BIRC2: variants seen among roughly 807,000 people sequenced by gnomAD.
BIRC2 encodes the protein baculoviral IAP repeat-containing protein 2.
Under a neutral mutation model 60.9 loss-of-function variants are expected in BIRC2, and 18 were observed. The ratio of observed to expected loss-of-function variants is 0.30; its 90% CI spans 0.20 to 0.44. BIRC2 has a LOEUF of 0.44. Among genes scored for constraint, BIRC2 ranks in the 20% least tolerant of loss-of-function variants. BIRC2 has a pLI of 1.00. For synonymous variants in BIRC2, 282 were observed against 247.7 expected, an observed-to-expected ratio of 1.14 and a Z score of -1.30; for missense variants, 701 against 728.5, an observed-to-expected ratio of 0.96 and a Z score of 0.43.
intron 6 of BIRC2, among the ~76,000 whole-genome samples, chr11:102,371,193 C>G: frequency 1.5e-5 from 1 of 68,740 alleles, no homozygotes; most frequent in Non-Finnish European, 2.7e-5. Context: ...GCCAGAACTT[C>G]CAACACTATG....
intron 6 of BIRC2, among the ~76,000 whole-genome samples, chr11:102,368,765 G>A (rs1366173590): frequency 6.6e-6 from 1 of 152,036 alleles, no homozygotes; most frequent in Non-Finnish European, 1.5e-5. Flanking sequence ...TTCGGATGAG[G>A]TTCTCTGATT....
chr11:102,376,212 T>G (rs1951712126), intron 6 of BIRC2, among the ~76,000 whole-genome samples: 1 of 152,134 alleles, frequency 6.6e-6, no homozygotes, highest in Admixed American at 6.5e-5. Flanking sequence ...GAAGATGAGT[T>G]AAGGGTGCTA....
At chr11:102,359,211 T>C (rs2135810540) in intron 3 of BIRC2, among the ~76,000 whole-genome samples, 1 of 152,340 alleles carries the variant, frequency 6.6e-6, no homozygotes, top group South Asian at 2.1e-4. Context: ...TTAATTTCAA[T>C]TGCATTAAAA....
chr11:102,363,034 T>C (rs1951503796), intron 4 of BIRC2, 60 bp downstream of exon 4: 3 of 1,283,906 alleles, frequency 2.3e-6, no homozygotes, highest in South Asian at 2.5e-5. Context: ...AAAAATATTA[T>C]TAGGTTGGTA....
rs12282166 is a variant in BIRC2 at position 102,375,735 on chromosome 11, G to A, written c.1367-1761G>A. Among the ~76,000 whole-genome samples the A allele has an allele frequency of 9.6e-3, 1,443 of 150,476 alleles. 22 individuals carry two copies. Among genetic ancestry groups the A allele is most frequent in the African/African-American group, 0.033 (1,364 of 40,832 alleles). ...GCAGAGCTTGCAGTGAGCCGAGATCGTGCCCCTGCACTCCAGCCTGGGTGA... is the reference window on the plus strand; with the variant it reads ...GCAGAGCTTGCAGTGAGCCGAGATCATGCCCCTGCACTCCAGCCTGGGTGA... On this transcript the variant is annotated intron_variant, in intron 6 of 8. Transcript: ENST00000227758.
At chr11:102,359,509 T>G (rs1951460768) in intron 3 of BIRC2, among the ~76,000 whole-genome samples, 1 of 152,210 alleles carries the variant, frequency 6.6e-6, no homozygotes, top group Non-Finnish European at 1.5e-5. Context: ...CTCTTCAGCG[T>G]TTCTTGTAAG....
intron 3 of BIRC2, among the ~76,000 whole-genome samples, chr11:102,357,480 A>G (rs2135809135): frequency 6.6e-6 from 1 of 152,224 alleles, no homozygotes; most frequent in African/African-American, 2.4e-5. Context: ...ACTAGTTATA[A>G]GTCTTTTCAG....
At chr11:102,365,771 T>TG (rs59705309) in intron 5 of BIRC2, among the ~76,000 whole-genome samples, 38 of 152,048 alleles carry the variant, frequency 2.5e-4, no homozygotes, top group African/African-American at 9.2e-4. Flanking sequence ...TGTGTGTGTG[T>TG]TTGTAGATAC....
At position 102,364,782 on chromosome 11, in the gene BIRC2, T is replaced by C. The variant is rs865868225; in HGVS notation, c.1123+1066T>C. ...GATTTGGTAGTATTTGACTGGAAAA[T>C]AGGAAGGAGAGTACTGGAAAATAGG... On this transcript the variant is annotated intron_variant, in intron 5 of 8. Coordinates refer to ENST00000227758, the MANE Select transcript of BIRC2 (RefSeq NM_001166.5). Among the ~76,000 whole-genome samples, 4 of 147,850 alleles carry C rather than the reference T, an allele frequency of 2.7e-5. No individual in the cohort carries two copies. The South Asian group carries it at 8.4e-4, about 31-fold the overall frequency.
At chr11:102,363,555 C>T (rs1179895261) in intron 4 of BIRC2, 113 bp from the exon 5 acceptor site, 22 of 656,622 alleles carry the variant, frequency 3.4e-5, no homozygotes, top group Admixed American at 8.6e-5. Flanking sequence ...ATAAATCACT[C>T]AGTTCTCAAA....
intron 6 of BIRC2, among the ~76,000 whole-genome samples, chr11:102,375,014 C>T (rs1184871627): frequency 6.6e-6 from 1 of 152,210 alleles, no homozygotes; most frequent in Non-Finnish European, 1.5e-5. Context: ...AATGCCTTGC[C>T]CTGCTTCGGT....
At chr11:102,353,992 C>T (rs557357842) in intron 3 of BIRC2, among the ~76,000 whole-genome samples, 3 of 152,256 alleles carry the variant, frequency 2.0e-5, no homozygotes, top group Admixed American at 1.3e-4. Flanking sequence ...GAAGTTGACT[C>T]TGCAGAACCT....
chr11:102,366,460 G>A (rs998878012), intron 5 of BIRC2, among the ~76,000 whole-genome samples: 2 of 151,542 alleles, frequency 1.3e-5, no homozygotes, highest in South Asian at 2.1e-4. Context: ...TCCACCCGCC[G>A]GGTTCACGCC....
At position 102,350,630 on chromosome 11, in the gene BIRC2, T is replaced by G; in HGVS notation, c.776T>G (p.Phe259Cys). ...FLENSLETLR[F>C]SISNLSMQTH... ...GAAAATTCTCTAGAAACTCTGAGGTTTAGCATTTCAAATCTGAGCATGCAG... is the reference window on the plus strand; with the variant it reads ...GAAAATTCTCTAGAAACTCTGAGGTGTAGCATTTCAAATCTGAGCATGCAG... Residue 259 changes from phenylalanine to cysteine, a missense_variant, in exon 2 of 9, where the codon TTT becomes TGT. Phe to Cys is a radical substitution (Grantham distance 205). This residue lies in a region of BIRC2 where 375 missense variants were observed against 365.9 expected (regional missense o/e 1.02). Coordinates refer to ENST00000227758, the MANE Select transcript of BIRC2 (RefSeq NM_001166.5). 1 of 1,614,160 alleles carries G rather than the reference T, an allele frequency of 6.2e-7. No homozygotes were observed. Among genetic ancestry groups the G allele is most frequent in the Non-Finnish European group, 8.5e-7 (1 of 1,180,038 alleles).
intron 5 of BIRC2, among the ~76,000 whole-genome samples, chr11:102,366,955 G>A (rs556997347): frequency 2.0e-4 from 31 of 152,236 alleles, no homozygotes; most frequent in African/African-American, 7.2e-4. Flanking sequence ...ATCATGTCAA[G>A]CTTTTCCCTC....
At chr11:102,366,777 CAG>C (rs1037402802) in intron 5 of BIRC2, among the ~76,000 whole-genome samples, 4 of 152,164 alleles carry the variant, frequency 2.6e-5, no homozygotes, top group Non-Finnish European at 4.4e-5. Context: ...ACCGAGCTGC[CAG>C]AGTCATCTTC....
intron 1 of BIRC2, among the ~76,000 whole-genome samples, chr11:102,348,051 G>T (rs1444629886): frequency 1.3e-5 from 2 of 152,236 alleles, no homozygotes; most frequent in African/African-American, 2.4e-5. Context: ...GTTAGGTTTT[G>T]TTTTCGAGTT....
chr11:102,365,837 C>G (rs928300618), intron 5 of BIRC2, among the ~76,000 whole-genome samples: 2 of 152,102 alleles, frequency 1.3e-5, no homozygotes, highest in Admixed American at 1.3e-4. Context: ...AAGCAATCTG[C>G]CTGCCTCGGC....
At chr11:102,360,481 G>A (rs928524157) in intron 3 of BIRC2, among the ~76,000 whole-genome samples, 1 of 150,492 alleles carries the variant, frequency 6.6e-6, no homozygotes, top group Non-Finnish European at 1.5e-5. Context: ...TCCCGAATTT[G>A]TTTCTTTTTA....
Sources: allele counts gnomAD v4.1 joint callset (sites outside exome capture counted in the v4.1 genomes callset), GRCh38; gene constraint gnomAD v4.1.1; regional missense constraint gnomAD v4.1.1; transcripts MANE v1.5; gene names NCBI Gene and HGNC (gene_info 2026-07-23, HGNC 2026-07-21).